Variants in AUTS2 observed in about 807,000 individuals in gnomAD.
The protein encoded by AUTS2 is activator of transcription and developmental regulator AUTS2.
Under a neutral mutation model 112.4 loss-of-function variants are expected in AUTS2, and 17 were observed. That is an observed-to-expected ratio of 0.15 (90% CI 0.10 to 0.23). The LOEUF (loss-of-function observed/expected upper bound fraction) is 0.23. Among genes scored for constraint, AUTS2 ranks in the 10% least tolerant of loss-of-function variants. AUTS2 has a pLI of 1.00. For missense variants in AUTS2, 1,510 were observed against 1,701.6 expected, an observed-to-expected ratio of 0.89 and a Z score of 1.98; for synonymous variants, 751 against 702.7, an observed-to-expected ratio of 1.07 and a Z score of -1.09.
intron 1 of AUTS2, among the ~76,000 whole-genome samples, chr7:69,607,689 ACC>A (rs1426995557): frequency 3.3e-5 from 5 of 152,130 alleles, no homozygotes; most frequent in Admixed American, 2.0e-4. Flanking sequence ...CTTGCACTAT[ACC>A]TCACGGTGCC....
chr7:70,662,678 G>A (rs1217880535), intron 5 of AUTS2, among the ~76,000 whole-genome samples: 1 of 152,174 alleles, frequency 6.6e-6, no homozygotes. Flanking sequence ...AGGGTAGGCA[G>A]GTGTTAAGAA....
Position 70,786,044 on chromosome 7 carries a change from T to A in AUTS2, c.2308+6T>A. ...ACTTGGAAATCCTTCCGTTAGTGAG[T>A]ACCTCTAACTTTTAAAAATCTGCCT... On this transcript the variant is annotated splice_donor_region_variant and intron_variant, in intron 17 of 18. Coordinates refer to ENST00000342771, the MANE Select transcript of AUTS2 (RefSeq NM_015570.4). 1.2e-6 allele frequency: 2 copies of A among 1,611,508 alleles called. No individual in the cohort carries two copies. Among genetic ancestry groups the A allele is most frequent in the Non-Finnish European group, 1.7e-6 (2 of 1,177,600 alleles).
intron 3 of AUTS2, 115 bp downstream of exon 3, chr7:70,118,348 T>G: frequency 8.0e-7 from 1 of 1,243,216 alleles, no homozygotes; most frequent in Non-Finnish European, 1.1e-6. Context: ...TAGAACTTTT[T>G]GTCTACCCAA....
At chr7:69,683,293 C>T (rs188882209) in intron 1 of AUTS2, among the ~76,000 whole-genome samples, 52 of 152,328 alleles carry the variant, frequency 3.4e-4, no homozygotes, top group African/African-American at 1.3e-3. Context: ...GCCATGATGT[C>T]CTGCACACGT....
chr7:70,624,389 C>T (rs577735055), intron 5 of AUTS2, among the ~76,000 whole-genome samples: 2 of 152,186 alleles, frequency 1.3e-5, no homozygotes, highest in Non-Finnish European at 2.9e-5. Flanking sequence ...GGCTTTCTCT[C>T]CCTTAACCAG....
At chr7:69,876,480 TTG>T (rs71097493) in intron 1 of AUTS2, among the ~76,000 whole-genome samples, 2 of 60,508 alleles carry the variant, frequency 3.3e-5, no homozygotes, top group African/African-American at 1.3e-4. Flanking sequence ...ATAAAATATT[TTG>T]TGTATATATA....
chr7:70,355,529 C>T (rs1791967935), intron 4 of AUTS2, among the ~76,000 whole-genome samples: 1 of 152,024 alleles, frequency 6.6e-6, no homozygotes, highest in Non-Finnish European at 1.5e-5. Flanking sequence ...AATCCTTGTC[C>T]ACCACTTTCC....
At chr7:70,600,059 T>G (rs952966201) in intron 5 of AUTS2, among the ~76,000 whole-genome samples, 3 of 152,172 alleles carry the variant, frequency 2.0e-5, no homozygotes, top group Non-Finnish European at 2.9e-5. Flanking sequence ...AATCAGAAAC[T>G]AGGGTGGGGC....
intron 6 of AUTS2, among the ~76,000 whole-genome samples, chr7:70,702,510 G>C (rs752302348): frequency 1.3e-5 from 2 of 152,154 alleles, no homozygotes; most frequent in Non-Finnish European, 2.9e-5. Context: ...GTCTCAAATT[G>C]CAGAACTGGG....
At chr7:70,065,448 C>G (rs1802444154) in intron 2 of AUTS2, among the ~76,000 whole-genome samples, 2 of 152,056 alleles carry the variant, frequency 1.3e-5, no homozygotes, top group Non-Finnish European at 2.9e-5. Context: ...AATCCCAGCA[C>G]TTTGGGAGGC....
At chr7:70,409,098 A>G (rs1445491535) in intron 4 of AUTS2, among the ~76,000 whole-genome samples, 2 of 152,206 alleles carry the variant, frequency 1.3e-5, no homozygotes, top group African/African-American at 4.8e-5. Context: ...ATCTTGGCTA[A>G]TGGTCTCACC....
chr7:69,956,588 C>G (rs551037804), intron 2 of AUTS2, among the ~76,000 whole-genome samples: 1 of 152,066 alleles, frequency 6.6e-6, no homozygotes, highest in African/African-American at 2.4e-5. Context: ...ACGAAAAAAA[C>G]GGTTGAAATT....
intron 4 of AUTS2, among the ~76,000 whole-genome samples, chr7:70,418,320 A>AC (rs1795077498): frequency 2.0e-5 from 3 of 152,146 alleles, no homozygotes; most frequent in Non-Finnish European, 4.4e-5. Flanking sequence ...TTGGGCATTT[A>AC]CCATGGCTGA....
intron 1 of AUTS2, among the ~76,000 whole-genome samples, chr7:69,837,127 G>T (rs767587334): frequency 5.3e-5 from 8 of 152,068 alleles, no homozygotes; most frequent in Non-Finnish European, 8.8e-5. Context: ...ACTAAAGGGC[G>T]AGTCTTTGCC....
chr7:70,203,478 A>G (rs1006065136), intron 4 of AUTS2, among the ~76,000 whole-genome samples: 1 of 151,376 alleles, frequency 6.6e-6, no homozygotes, highest in Non-Finnish European at 1.5e-5. Context: ...ATGATAAAGA[A>G]AACTATTGAT....
At chr7:70,406,398 C>T (rs774199288) in intron 4 of AUTS2, among the ~76,000 whole-genome samples, 1 of 152,156 alleles carries the variant, frequency 6.6e-6, no homozygotes, top group Non-Finnish European at 1.5e-5. Flanking sequence ...CTGTCCCACC[C>T]GCCTGCACAC....
chr7:70,438,503 C>T (rs575288367), intron 5 of AUTS2, among the ~76,000 whole-genome samples: 3 of 152,254 alleles, frequency 2.0e-5, no homozygotes, highest in African/African-American at 7.2e-5. Context: ...CTCTGTTCTG[C>T]CCCATGCCAT....
In AUTS2 at chr7:69,789,156, G is replaced by A. The variant is rs927929974; in HGVS notation, c.310-110130G>A. 3.3e-5 allele frequency among the ~76,000 whole-genome samples: 5 copies of A among 152,222 alleles called. No individual in the cohort carries two copies. In the East Asian group the frequency reaches 7.7e-4, roughly 24 times the overall value. On this transcript the variant is annotated intron_variant, in intron 1 of 18. Coordinates refer to ENST00000342771, the MANE Select transcript of AUTS2 (RefSeq NM_015570.4). ...TTATATCAAGAATGCAGCATTTAAG[G>A]CCACTTTGACAGAGTGCAGCTAAGC... is the stretch of plus-strand genomic sequence containing the variant.
At chr7:69,709,992 A>G (rs1287591489) in intron 1 of AUTS2, among the ~76,000 whole-genome samples, 3 of 152,208 alleles carry the variant, frequency 2.0e-5, no homozygotes, top group African/African-American at 7.2e-5. Context: ...CAAGTATGAA[A>G]TGATCTCTGA....
Sources: allele counts gnomAD v4.1 joint callset (sites outside exome capture counted in the v4.1 genomes callset), GRCh38; gene constraint gnomAD v4.1.1; transcripts MANE v1.5; gene names NCBI Gene and HGNC (gene_info 2026-07-23, HGNC 2026-07-21).